The following KCNH8 variants were observed in gnomAD, a reference collection of about 807,000 sequenced individuals.
The protein encoded by KCNH8 is potassium voltage-gated channel subfamily H member 8, also known as voltage-gated delayed rectifier potassium channel KCNH8.
Under a neutral mutation model 103.6 loss-of-function variants are expected in KCNH8, and 70 were observed. That is an observed-to-expected ratio of 0.68 (90% CI 0.56 to 0.82). KCNH8 has a LOEUF of 0.82. KCNH8 is among the 40% of genes least tolerant of loss of function. The pLI is 0.00. For missense variants in KCNH8, 1,217 were observed against 1,329.9 expected (o/e 0.92, Z 1.32); for synonymous variants, 498 against 489.4 (o/e 1.02, Z -0.23).
chr3:19,318,688 T>C (rs1430289140), intron 3 of KCNH8, among the ~76,000 whole-genome samples: 1 of 143,074 alleles, frequency 7.0e-6, no homozygotes, highest in African/African-American at 2.6e-5. Flanking sequence ...CACACACACA[T>C]ATACGGTAGA....
chr3:19,284,949 A>G (rs2064811264), intron 3 of KCNH8, among the ~76,000 whole-genome samples: 1 of 151,652 alleles, frequency 6.6e-6, no homozygotes, highest in African/African-American at 2.4e-5. Context: ...GGGAATGTCT[A>G]CTTAGTACAA....
intron 3 of KCNH8, among the ~76,000 whole-genome samples, chr3:19,320,590 T>C (rs1037115390): frequency 6.6e-6 from 1 of 151,938 alleles, no homozygotes; most frequent in African/African-American, 2.4e-5. Flanking sequence ...TAGTATTTTT[T>C]TTGAGAATTT....
intron 11 of KCNH8, among the ~76,000 whole-genome samples, chr3:19,493,585 C>T (rs913786873): frequency 1.3e-5 from 2 of 152,086 alleles, no homozygotes; most frequent in South Asian, 2.1e-4. Flanking sequence ...CAATTATACC[C>T]CTTTTCTTTA....
At chr3:19,202,659 G>A (rs962530170) in intron 1 of KCNH8, among the ~76,000 whole-genome samples, 1 of 152,066 alleles carries the variant, frequency 6.6e-6, no homozygotes, top group African/African-American at 2.4e-5. Context: ...GCACAGTCCT[G>A]TTCTATAGAG....
rs1575029462 is a variant in KCNH8 at position 19,408,317 on chromosome 3, G to GA, written c.1177+13010dup. On this transcript the variant is annotated intron_variant, in intron 7 of 15. Coordinates refer to ENST00000328405, the MANE Select transcript of KCNH8 (RefSeq NM_144633.3). ...GGTGGAAGGGGAAGGTAAAGGGAAA[G>GA]AAAATAATAATAATAACATTATAGG... Among the ~76,000 whole-genome samples, 7 of 152,014 alleles carry GA rather than the reference G, an allele frequency of 4.6e-5. No homozygotes were observed. In the South Asian group the frequency reaches 1.2e-3, roughly 27 times the overall value.
rs187767139 is a variant in KCNH8, at chr3:19,303,255, G to A, written c.442+21926G>A. ...CTGTGGAAACTGGCAGATTAAATGC[G>A]TGGATTTCCAAAACATCACTGAAAC... On this transcript the variant is annotated intron_variant, in intron 3 of 15. Coordinates refer to ENST00000328405, the MANE Select transcript of KCNH8 (RefSeq NM_144633.3). Among the ~76,000 whole-genome samples, 10 of 152,214 alleles carry A rather than the reference G, an allele frequency of 6.6e-5. No individual in the cohort carries two copies. The East Asian group carries it at 1.5e-3, about 24-fold the overall frequency.
chr3:19,339,860 G>T (rs1253014131), intron 3 of KCNH8, among the ~76,000 whole-genome samples: 1 of 151,966 alleles, frequency 6.6e-6, no homozygotes, highest in Non-Finnish European at 1.5e-5. Context: ...GTCTCAGATG[G>T]ACAGGAATTA....
At chr3:19,370,205 A>G (rs755743701) in intron 5 of KCNH8, among the ~76,000 whole-genome samples, 1 of 151,984 alleles carries the variant, frequency 6.6e-6, no homozygotes, top group Non-Finnish European at 1.5e-5. Flanking sequence ...TGGCATTCCC[A>G]TAACATTCAT....
rs186112432 is a variant in KCNH8 at position 19,513,962 on chromosome 3, A to G, written c.2435+637A>G. Among the ~76,000 whole-genome samples, 8 of 152,284 alleles carry G rather than the reference A, an allele frequency of 5.3e-5. No individual in the cohort carries two copies. The East Asian group carries it at 5.8e-4, about 11-fold the overall frequency. On this transcript the variant is annotated intron_variant, in intron 13 of 15. Coordinates refer to ENST00000328405, the MANE Select transcript of KCNH8 (RefSeq NM_144633.3). Reference sequence around the variant, plus strand: ...AAGCAATAGCCATCATCAAAATCACATAACAGCTGAATAATAATAAATAAA... The same window carrying G: ...AAGCAATAGCCATCATCAAAATCACGTAACAGCTGAATAATAATAAATAAA...
chr3:19,479,010 A>G (rs896956988), intron 11 of KCNH8, among the ~76,000 whole-genome samples: 2 of 152,156 alleles, frequency 1.3e-5, no homozygotes, highest in African/African-American at 2.4e-5. Context: ...ATTATTGTTA[A>G]CCCAGCATTA....
intron 8 of KCNH8, among the ~76,000 whole-genome samples, chr3:19,439,794 A>G (rs1423622222): frequency 6.6e-6 from 1 of 152,194 alleles, no homozygotes; most frequent in East Asian, 1.9e-4. Context: ...ACGTAAAAGA[A>G]AAAAGCAAAG....
At chr3:19,321,196 A>T (rs115725616) in intron 3 of KCNH8, among the ~76,000 whole-genome samples, 1 of 151,054 alleles carries the variant, frequency 6.6e-6, no homozygotes, top group Non-Finnish European at 1.5e-5. Flanking sequence ...TTCTGCCCTG[A>T]TCTTTGTTAT....
chr3:19,178,374 A>G (rs1160150526), intron 1 of KCNH8, among the ~76,000 whole-genome samples: 2 of 152,162 alleles, frequency 1.3e-5, no homozygotes, highest in Admixed American at 6.5e-5. Context: ...CATAAGTTCA[A>G]AAATTACTCT....
At chr3:19,246,244 A>ATAACTT (rs1323639198) in intron 1 of KCNH8, among the ~76,000 whole-genome samples, 16 of 150,576 alleles carry the variant, frequency 1.1e-4, no homozygotes, top group Middle Eastern at 3.2e-3. Flanking sequence ...GAATGATTAA[A>ATAACTT]TAACTTTAAG....
chr3:19,202,681 AC>A lies in KCNH8; in HGVS notation c.77-50972del, dbSNP rs59875150. On this transcript the variant is annotated intron_variant, in intron 1 of 15. Coordinates refer to ENST00000328405, the MANE Select transcript of KCNH8 (RefSeq NM_144633.3). ...CCTGTTCTATAGAGAGTAGTCTGTA[AC>A]TTTTTGTTATTATTTTTATGTTTAT... Among the ~76,000 whole-genome samples the A allele has an allele frequency of 2.9e-3, 437 of 152,234 alleles. 4 individuals are homozygous for A. Among genetic ancestry groups the A allele is most frequent in the African/African-American group, 9.9e-3 (412 of 41,548 alleles).
At chr3:19,153,619 CTTTTCTTTCTT>C (rs2063151156) in intron 1 of KCNH8, among the ~76,000 whole-genome samples, 1 of 147,354 alleles carries the variant, frequency 6.8e-6, no homozygotes, top group Non-Finnish European at 1.5e-5. Context: ...CTTTTCTTTT[CTTTTCTTTCTT>C]TTTTCTTTTT....
chr3:19,175,378 C>G (rs1206297098), intron 1 of KCNH8, among the ~76,000 whole-genome samples: 2 of 152,040 alleles, frequency 1.3e-5, no homozygotes, highest in Non-Finnish European at 2.9e-5. Flanking sequence ...CCCGCCACTA[C>G]GCCCGGCTAA....
chr3:19,496,385 T>G (rs1403369264), intron 11 of KCNH8, among the ~76,000 whole-genome samples: 1 of 152,200 alleles, frequency 6.6e-6, no homozygotes, highest in Non-Finnish European at 1.5e-5. Flanking sequence ...ACTAGTTTAT[T>G]GAAGGTTTTT....
intron 7 of KCNH8, among the ~76,000 whole-genome samples, chr3:19,419,300 CG>C (rs1352646663): frequency 6.7e-6 from 1 of 148,776 alleles, no homozygotes; most frequent in Admixed American, 6.7e-5. Flanking sequence ...CCCGGGTTCA[CG>C]CCATTCTCCT....
Sources: gnomAD v4.1 joint callset for allele counts (sites outside exome capture counted in the v4.1 genomes callset) on GRCh38, gnomAD v4.1.1 for gene constraint, MANE v1.5 for transcripts, NCBI Gene and HGNC (gene_info 2026-07-23, HGNC 2026-07-21) for gene names.